The following ME1 variants were observed in gnomAD, a reference collection of about 807,000 sequenced individuals.
The protein encoded by ME1 is NADP-dependent malic enzyme.
Under a neutral mutation model 66.4 loss-of-function variants are expected in ME1, and 74 were observed. The ratio of observed to expected loss-of-function variants is 1.11; its 90% CI spans 0.92 to 1.35. The LOEUF is 1.35. Among genes scored for constraint, ME1 ranks in the 40% most tolerant of loss-of-function variants. ME1 has a pLI of 0.00. For synonymous variants in ME1, 251 were observed against 235.6 expected (o/e 1.07, Z -0.60); for missense variants, 750 against 694.1 (o/e 1.08, Z -0.90).
At chr6:83,343,852 ACT>A (rs1273461466) in intron 5 of ME1, among the ~76,000 whole-genome samples, 1 of 152,116 alleles carries the variant, frequency 6.6e-6, no homozygotes, top group Non-Finnish European at 1.5e-5. Flanking sequence ...CATGAAATCA[ACT>A]CTTTCATATA....
At chr6:83,321,051 G>T (rs1193100390) in intron 5 of ME1, among the ~76,000 whole-genome samples, 12 of 152,112 alleles carry the variant, frequency 7.9e-5, no homozygotes, top group African/African-American at 2.9e-4. Flanking sequence ...AGCGCAGGGG[G>T]TTAGGGAACT....
chr6:83,393,163 A>G (rs894027028), intron 3 of ME1: 88 of 1,267,378 alleles, frequency 6.9e-5, no homozygotes, highest in Non-Finnish European at 9.3e-5. Flanking sequence ...AAACCTACCA[A>G]ATATGATGAC....
At chr6:83,390,523 A>G (rs904311259) in intron 3 of ME1, among the ~76,000 whole-genome samples, 1 of 152,192 alleles carries the variant, frequency 6.6e-6, no homozygotes, top group South Asian at 2.1e-4. Context: ...TAAGCCACAT[A>G]ACACAATTTC....
At position 83,227,367 on chromosome 6, in the gene ME1, A is replaced by G; in HGVS notation, c.1243T>C (p.Cys415Arg). Residue 415 changes from cysteine to arginine, a missense_variant, in exon 11 of 14, where the codon TGT becomes CGT. Coordinates refer to ENST00000369705, the MANE Select transcript of ME1 (RefSeq NM_002395.6). ...ALSNPTSKAE[C>R]SAEQCYKITK... ...ATTTTGTAGCACTGCTCTGCAGAAC[A>G]TTCTGCTTTGCTAGTTGGATTACTC... 4.4e-6 allele frequency: 7 copies of G among 1,599,264 alleles called. No homozygotes were observed. The highest frequency in any genetic ancestry group is 6.0e-6 in the Non-Finnish European group (7 of 1,170,360).
At chr6:83,278,810 T>C (rs1419770875) in intron 6 of ME1, among the ~76,000 whole-genome samples, 8 of 152,138 alleles carry the variant, frequency 5.3e-5, no homozygotes, top group Non-Finnish European at 1.2e-4. Flanking sequence ...TAATAGGACT[T>C]ACCCTCAAGA....
chr6:83,424,616 C>T (rs1353204791), intron 1 of ME1, among the ~76,000 whole-genome samples: 1 of 152,198 alleles, frequency 6.6e-6, no homozygotes, highest in Admixed American at 6.5e-5. Flanking sequence ...ATTACTGCTT[C>T]TCACCTACAT....
Position 83,426,672 on chromosome 6 carries a change from A to C in ME1, c.78+4205T>G, listed in dbSNP as rs115627801. Among the ~76,000 whole-genome samples, 909 of 152,350 alleles carry C rather than the reference A, an allele frequency of 6.0e-3. 6 individuals are homozygous for C. The highest frequency in any genetic ancestry group is 0.021 in the African/African-American group (860 of 41,572). On this transcript the variant is annotated intron_variant, in intron 1 of 13. Coordinates refer to ENST00000369705, the MANE Select transcript of ME1 (RefSeq NM_002395.6). Reference sequence around the variant, plus strand: ...TTGTCATGCCAGGAAACAAACAGCTACAAAAGCTGATTTTTTAGATGTAAA... The same window carrying C: ...TTGTCATGCCAGGAAACAAACAGCTCCAAAAGCTGATTTTTTAGATGTAAA...
At chr6:83,315,709 TAAC>T (rs1244937712) in intron 5 of ME1, among the ~76,000 whole-genome samples, 1 of 151,964 alleles carries the variant, frequency 6.6e-6, no homozygotes, top group Non-Finnish European at 1.5e-5. Flanking sequence ...CCATCCTGGG[TAAC>T]AACAGTGAAA....
At chr6:83,395,929 A>G (rs1181341552) in intron 3 of ME1, among the ~76,000 whole-genome samples, 2 of 152,216 alleles carry the variant, frequency 1.3e-5, no homozygotes, top group African/African-American at 4.8e-5. Flanking sequence ...AAAACCCTAT[A>G]AACTCCAACA....
At chr6:83,386,985 T>C (rs1240369429) in intron 3 of ME1, among the ~76,000 whole-genome samples, 1 of 151,714 alleles carries the variant, frequency 6.6e-6, no homozygotes, top group Non-Finnish European at 1.5e-5. Context: ...GTACCCAGTT[T>C]ATGGTAGTTT....
intron 2 of ME1, among the ~76,000 whole-genome samples, chr6:83,406,411 C>A (rs753115100): frequency 1.3e-5 from 2 of 152,142 alleles, no homozygotes; most frequent in Non-Finnish European, 2.9e-5. Flanking sequence ...ATGGTACCAG[C>A]TCCTCTTTAT....
At chr6:83,307,727 G>A (rs1328904145) in intron 6 of ME1, among the ~76,000 whole-genome samples, 1 of 151,772 alleles carries the variant, frequency 6.6e-6, no homozygotes, top group Admixed American at 6.6e-5. Flanking sequence ...GAAAGAAGGA[G>A]GGCAGTAGAA....
intron 6 of ME1, among the ~76,000 whole-genome samples, chr6:83,286,078 A>G (rs555162123): frequency 2.7e-4 from 41 of 152,258 alleles, no homozygotes; most frequent in African/African-American, 9.6e-4. Flanking sequence ...TCTGAATAAG[A>G]TTTCTTTAAA....
intron 8 of ME1, among the ~76,000 whole-genome samples, chr6:83,238,494 A>C (rs1790453976): frequency 6.6e-6 from 1 of 152,124 alleles, no homozygotes; most frequent in Non-Finnish European, 1.5e-5. Flanking sequence ...AAACCCTTTG[A>C]AAATTCAAAG....
chr6:83,239,750 A>G (rs1790477702), intron 7 of ME1, 114 bp from the exon 8 acceptor site: 1 of 696,038 alleles, frequency 1.4e-6, no homozygotes, highest in Non-Finnish European at 2.5e-6. Flanking sequence ...ACAGAAGAGA[A>G]ACCTGTGGTT....
intron 6 of ME1, among the ~76,000 whole-genome samples, chr6:83,283,106 T>G (rs1162088491): frequency 1.3e-5 from 2 of 148,734 alleles, no homozygotes; most frequent in African/African-American, 5.0e-5. Context: ...CGGGCGCCTG[T>G]AGTCCCAGCT....
At chr6:83,400,184 G>A (rs1186093548) in intron 2 of ME1, among the ~76,000 whole-genome samples, 1 of 152,108 alleles carries the variant, frequency 6.6e-6, no homozygotes, top group Non-Finnish European at 1.5e-5. Context: ...GTAATCCCCA[G>A]TGCTGGAGTT....
chr6:83,218,185 G>T (rs568314001), intron 12 of ME1, among the ~76,000 whole-genome samples: 15 of 152,206 alleles, frequency 9.9e-5, no homozygotes, highest in Admixed American at 2.6e-4. Context: ...CCAAACAAGT[G>T]GGGCTTGCCA....
intron 5 of ME1, among the ~76,000 whole-genome samples, chr6:83,321,181 G>T (rs1031389070): frequency 6.6e-6 from 1 of 152,118 alleles, no homozygotes; most frequent in Admixed American, 6.5e-5. Context: ...ATTCCCTTGG[G>T]TGCTTACACC....
Sources: allele counts gnomAD v4.1 joint callset (sites outside exome capture counted in the v4.1 genomes callset), GRCh38; gene constraint gnomAD v4.1.1; transcripts MANE v1.5; gene names NCBI Gene and HGNC (gene_info 2026-07-23, HGNC 2026-07-21).